Variants in SVOPL observed in about 807,000 individuals in gnomAD.
SVOPL encodes putative transporter SVOPL.
In SVOPL, 60 loss-of-function variants were observed where a neutral mutation model predicts 61.0. That is an observed-to-expected ratio of 0.98 (90% CI 0.80 to 1.22). The LOEUF (loss-of-function observed/expected upper bound fraction) is 1.22. Ranked by LOEUF, SVOPL falls within the 50% of genes most tolerant of loss-of-function variation. The pLI is 0.00. For synonymous variants in SVOPL, 279 were observed against 250.0 expected (o/e 1.12, Z -1.09); for missense variants, 662 against 643.9 (o/e 1.03, Z -0.30).
At chr7:138,611,930 A>C (rs1355069946) in intron 14 of SVOPL, among the ~76,000 whole-genome samples, 1 of 11,994 alleles carries the variant, frequency 8.3e-5, no homozygotes, top group African/African-American at 2.4e-4. Flanking sequence ...CCAGGATGAC[A>C]ATGGCGGCTT....
In SVOPL at chr7:138,678,992, G is replaced by C. The variant is rs1037322390; in HGVS notation, c.54C>G (p.Ser18Arg). ...PVTILSLRKL[S>R]LGTAEPQVKE... The stretch of plus-strand genomic sequence containing the variant: ...TAACCTGTGGCTCTGCGGTCCCCAG[G>C]CTCAATTTCCGAAGGCTGAGGATCG... Residue 18 changes from serine (S) to arginine (R), a missense_variant, in exon 2 of 16, where the codon AGC (serine) becomes AGG (arginine). Transcript: ENST00000674285. 5 of 1,551,490 alleles carry C rather than the reference G, an allele frequency of 3.2e-6. No homozygotes were observed. Among genetic ancestry groups the C allele is most frequent in the African/African-American group, 2.7e-5 (2 of 73,020 alleles).
chr7:138,700,501 G>A (rs1024194789), intron 1 of SVOPL, among the ~76,000 whole-genome samples: 6 of 151,880 alleles, frequency 4.0e-5, no homozygotes, highest in Non-Finnish European at 1.5e-5. Flanking sequence ...ACCATGCATG[G>A]CTAATTTTTT....
chr7:138,596,188 T>TAAAAAAAA (rs34972084), intron 15 of SVOPL, among the ~76,000 whole-genome samples: 2 of 120,334 alleles, frequency 1.7e-5, no homozygotes, highest in East Asian at 2.6e-4. Flanking sequence ...GACTCTGTCT[T>TAAAAAAAA]AAAAAAAAAA....
chr7:138,685,810 T>A, intron 1 of SVOPL, among the ~76,000 whole-genome samples: 1 of 151,328 alleles, frequency 6.6e-6, no homozygotes, highest in Admixed American at 6.6e-5. Context: ...AGGCAGAAGT[T>A]GCAGTGAGCT....
chr7:138,684,149 G>A (rs942441839), intron 1 of SVOPL, among the ~76,000 whole-genome samples: 2 of 150,086 alleles, frequency 1.3e-5, no homozygotes, highest in African/African-American at 2.5e-5. Flanking sequence ...CAGATCACCC[G>A]AGGTCAGGAG....
chr7:138,675,143 A>G (rs1354730468), intron 3 of SVOPL, among the ~76,000 whole-genome samples: 10 of 150,990 alleles, frequency 6.6e-5, no homozygotes, highest in Non-Finnish European at 1.5e-4. Flanking sequence ...GGCTAAGCCT[A>G]TAATCCCAGC....
At chr7:138,653,991 G>A (rs1471361889) in intron 7 of SVOPL, among the ~76,000 whole-genome samples, 1 of 151,574 alleles carries the variant, frequency 6.6e-6, no homozygotes, top group Admixed American at 6.6e-5. Flanking sequence ...AAGTTAGCTG[G>A]GTGTGGTGGT....
In SVOPL at chr7:138,686,324, A is replaced by AC. The variant is rs1231912390; in HGVS notation, c.-34-7246dup. Reference sequence around the variant, plus strand: ...AGGCTGAGGCAGGAGAATCGCTTGAACCCCGGGGGGGGCGGAGGTTGCAGT... The same window carrying AC: ...AGGCTGAGGCAGGAGAATCGCTTGAACCCCCGGGGGGGGCGGAGGTTGCAGT... On this transcript the variant is annotated intron_variant, in intron 1 of 15. Coordinates refer to ENST00000674285, the MANE Select transcript of SVOPL (RefSeq NM_001139456.2). Among the ~76,000 whole-genome samples the AC allele has an allele frequency of 2.1e-5, 3 of 142,266 alleles. 1 individual carries two copies. In the South Asian group the frequency reaches 6.8e-4, roughly 32 times the overall value. 93.3% of individuals were successfully genotyped at this position (142,266 alleles called of 152,430 possible). A position where few individuals can be genotyped will look rare whatever the true frequency, so the allele number is the denominator to read the frequency against.
At chr7:138,687,769 A>G (rs1403579269) in intron 1 of SVOPL, among the ~76,000 whole-genome samples, 1 of 151,216 alleles carries the variant, frequency 6.6e-6, no homozygotes, top group Non-Finnish European at 1.5e-5. Context: ...CAGAATATAT[A>G]AAGAACTCTT....
chr7:138,633,173 A>G (rs1800297561), intron 9 of SVOPL, among the ~76,000 whole-genome samples: 1 of 152,160 alleles, frequency 6.6e-6, no homozygotes, highest in Admixed American at 6.5e-5. Context: ...TGTATTTCCA[A>G]TGTTTAAAAA....
chr7:138,622,489 C>CA (rs1017407325), intron 13 of SVOPL, among the ~76,000 whole-genome samples: 2 of 87,088 alleles, frequency 2.3e-5, no homozygotes, highest in Non-Finnish European at 5.3e-5. Context: ...GAGGCAGCGG[C>CA]GGGCGGGGGG....
intron 9 of SVOPL, among the ~76,000 whole-genome samples, chr7:138,633,250 G>A (rs947487871): frequency 3.3e-5 from 5 of 152,150 alleles, no homozygotes; most frequent in Non-Finnish European, 5.9e-5. Flanking sequence ...GTTTAATATA[G>A]TTTGGATATT....
intron 1 of SVOPL, among the ~76,000 whole-genome samples, chr7:138,684,095 C>T (rs1276588454): frequency 1.3e-5 from 2 of 150,816 alleles, no homozygotes; most frequent in East Asian, 2.0e-4. Flanking sequence ...CCAGGTGCAG[C>T]GGCTCACGTC....
In SVOPL at chr7:138,656,441, G is replaced by A; in HGVS notation, c.534+7C>T. ...CAAAGGCAGGTAGAACTCCTACGTT[G>A]CCTTACCTGAGACAAGGGTAACATA... On this transcript the variant is annotated splice_region_variant and intron_variant, in intron 7 of 15. Coordinates refer to ENST00000674285, the MANE Select transcript of SVOPL (RefSeq NM_001139456.2). 4 of 1,613,852 alleles carry A rather than the reference G, an allele frequency of 2.5e-6. No homozygotes were observed. Among genetic ancestry groups the A allele is most frequent in the Non-Finnish European group, 2.5e-6 (3 of 1,179,874 alleles).
At position 138,682,303 on chromosome 7, in the gene SVOPL, A is replaced by G. The variant is rs375997561; in HGVS notation, c.-34-3224T>C. On this transcript the variant is annotated intron_variant, in intron 1 of 15. Coordinates refer to ENST00000674285, the MANE Select transcript of SVOPL (RefSeq NM_001139456.2). ...GAACCCACTGAAAAATCTTAACACC[A>G]TGGAAACAGAGACAGGCAGATTGCA... is the stretch of plus-strand genomic sequence containing the variant. 4.7e-4 allele frequency among the ~76,000 whole-genome samples: 72 copies of G among 152,280 alleles called. No homozygotes were observed. The East Asian group carries it at 0.01, about 21-fold the overall frequency.
chr7:138,659,920 G>A lies in SVOPL; in HGVS notation c.414C>T (p.Ile138=), dbSNP rs1801927139. 1 of 1,551,430 alleles carries A rather than the reference G, an allele frequency of 6.4e-7. No homozygotes were observed. The highest frequency in any genetic ancestry group is 1.2e-5 in the South Asian group (1 of 84,054). The part of the protein sequence containing the change: ...SLLTSFAPSY[I]WFVFLRTMVG... ...CCATCGTCCGCAGGAAGACAAACCA[G>A]ATGTACGAAGGAGCAAACGAGGTCA... The change falls in exon 6 of 16, where the codon ATC becomes ATT. Residue 138 remains isoleucine (I), a synonymous_variant. Coordinates refer to ENST00000674285, the MANE Select transcript of SVOPL (RefSeq NM_001139456.2).
At chr7:138,697,611 CAAAA>C (rs397890852) in intron 1 of SVOPL, among the ~76,000 whole-genome samples, 3 of 70,546 alleles carry the variant, frequency 4.3e-5, no homozygotes, top group African/African-American at 1.0e-4. Flanking sequence ...GACCCTGCCT[CAAAA>C]AAAAAAAAAA....
intron 2 of SVOPL, 135 bp from the exon 3 acceptor site, chr7:138,678,660 C>T (rs1802632472): frequency 4.9e-6 from 4 of 811,498 alleles, no homozygotes; most frequent in African/African-American, 1.7e-5. Context: ...CAACCTCTGC[C>T]TACTGGTCCA....
At chr7:138,652,621 T>C (rs1420614896) in intron 7 of SVOPL, among the ~76,000 whole-genome samples, 1 of 152,144 alleles carries the variant, frequency 6.6e-6, no homozygotes, top group Non-Finnish European at 1.5e-5. Context: ...AAGTTCTTTT[T>C]TTTTTTCTTT....
Sources: allele counts gnomAD v4.1 joint callset (sites outside exome capture counted in the v4.1 genomes callset), GRCh38; gene constraint gnomAD v4.1.1; transcripts MANE v1.5; gene names NCBI Gene and HGNC (gene_info 2026-07-23, HGNC 2026-07-21).